The following NEU2 variants were observed in gnomAD, a reference collection of about 807,000 sequenced individuals.
NEU2 encodes neuraminidase 2, also known as sialidase-2.
In NEU2, 7 loss-of-function variants were observed where a neutral mutation model predicts 6.3. The observed-to-expected ratio is 1.12, with a 90% confidence interval of 0.63 to 2.10. The LOEUF is 2.10. Among genes scored for constraint, NEU2 ranks in the 30% most tolerant of loss-of-function variants. NEU2 has a pLI of 0.00. For synonymous variants in NEU2, 208 were observed against 223.3 expected, an observed-to-expected ratio of 0.93 and a Z score of 0.61; for missense variants, 509 against 504.0, an observed-to-expected ratio of 1.01 and a Z score of -0.09.
At chr2:233,033,765 G>A (rs1690545955) in intron 1 of NEU2, among the ~76,000 whole-genome samples, 1 of 152,202 alleles carries the variant, frequency 6.6e-6, no homozygotes, top group African/African-American at 2.4e-5. Flanking sequence ...CTGGACTGGG[G>A]TGGGAAGTGG....
Position 233,034,390 on chromosome 2 carries a change from T to TG in NEU2, c.479dup (p.His163AlafsTer39), listed in dbSNP as rs778797969. 2.4e-5 allele frequency: 38 copies of TG among 1,613,900 alleles called. No homozygotes were observed. In the South Asian group the frequency reaches 3.3e-4, roughly 14 times the overall value. ...TACCGGGAGTGGTCCACCTTTGCAG[T>TG]GGGCCCGGGGCATTGTTTGCAGCTT... On this transcript the variant is annotated frameshift_variant, in exon 2 of 2. Transcript: ENST00000233840. LOFTEE classifies it low-confidence loss of function (END_TRUNC). This position sits in a 1 kb window ranked among gnomAD's most constrained non-coding sequence, Gnocchi z 4.8.
chr2:233,032,935 CA>C (rs1690535434), intron 1 of NEU2, 63 bp downstream of exon 1: 1 of 1,495,316 alleles, frequency 6.7e-7, no homozygotes. Flanking sequence ...CTGCTGTGAT[CA>C]GGGGCCAGTC....
Position 233,034,941 on chromosome 2 carries a change from G to T in NEU2, c.1027G>T (p.Gly343Cys). ...AYSDLQSMGT[G>C]PDGSPLFGCL... ...CTCAGACCTCCAGAGCATGGGCACC[G>T]GCCCTGATGGGTCCCCCTTGTTTGG... The change falls in exon 2 of 2, where the codon GGC (glycine) becomes TGC (cysteine). Residue 343 changes from glycine (G) to cysteine (C), a missense_variant. By Grantham distance (159) the Gly-to-Cys change is radical. Coordinates refer to ENST00000233840, the MANE Select transcript of NEU2 (RefSeq NM_005383.2). This position sits in a 1 kb window ranked among gnomAD's most constrained non-coding sequence, Gnocchi z 4.8. The T allele has an allele frequency of 1.9e-6, 3 of 1,614,172 alleles. No homozygotes were observed. Among genetic ancestry groups the T allele is most frequent in the Non-Finnish European group, 2.5e-6 (3 of 1,180,014 alleles).
chr2:233,035,042 G>C lies in NEU2; in HGVS notation c.1128G>C (p.Glu376Asp). The stretch of plus-strand genomic sequence containing the variant: ...CCCTGAAGCAAGCCTTCCCAGCTGA[G>C]TACCTGCCTCAGTGAGCCTGTGGTG... ...MFTLKQAFPAEYLPQ is the reference protein window; with the variant it reads ...MFTLKQAFPADYLPQ The change falls in exon 2 of 2, where the codon GAG becomes GAC. Residue 376 changes from glutamate (E) to aspartate (D), a missense_variant. Transcript: ENST00000233840. 4.4e-6 allele frequency: 7 copies of C among 1,600,794 alleles called. No individual in the cohort carries two copies. Among genetic ancestry groups the C allele is most frequent in the Non-Finnish European group, 6.0e-6 (7 of 1,172,292 alleles).
In NEU2 at chr2:233,032,718, G is replaced by A; in HGVS notation, c.47G>A (p.Gly16Glu). Residue 16 changes from glycine (G) to glutamate (E), a missense_variant, in exon 1 of 2, where the codon GGA becomes GAA. Physicochemically the swap from Gly to Glu is moderately conservative, Grantham distance 98. Transcript: ENST00000233840. ...VLQKESVFQSGAHAYRIPALL... is the reference protein window; with the variant it reads ...VLQKESVFQSEAHAYRIPALL... ...CAGAAGGAGAGCGTGTTCCAGTCGG[G>A]AGCCCATGCCTACAGAATCCCTGCC... 1.2e-6 allele frequency: 2 copies of A among 1,614,206 alleles called. No homozygotes were observed. Among genetic ancestry groups the A allele is most frequent in the South Asian group, 1.1e-5 (1 of 91,090 alleles).
At chr2:233,033,525 T>C (rs992917678) in intron 1 of NEU2, among the ~76,000 whole-genome samples, 2 of 152,234 alleles carry the variant, frequency 1.3e-5, no homozygotes, top group South Asian at 2.1e-4. Flanking sequence ...GTTAGACTTT[T>C]GGTGCTGTGT....
At chr2:233,033,989 T>G in intron 1 of NEU2, 127 bp from the exon 2 acceptor site, 2 of 823,048 alleles carry the variant, frequency 2.4e-6, no homozygotes, top group East Asian at 2.5e-5. Flanking sequence ...GGGTGAAGAG[T>G]TCTTCTCGAT....
rs765031026 is a variant in NEU2, at chr2:233,034,525, G to T, written c.611G>T (p.Arg204Leu). The T allele has an allele frequency of 1.9e-6, 3 of 1,613,982 alleles. No homozygotes were observed. ...TGCTTCCTCAGCCATGACCATGGGC[G>T]CACGTGGGCGCGAGGGCACTTTGTG... ...AFCFLSHDHG[R>L]TWARGHFVAQ... Residue 204 changes from arginine to leucine, a missense_variant, in exon 2 of 2, where the codon CGC becomes CTC. Transcript: ENST00000233840. The surrounding 1 kb of genome is among the most constrained non-coding windows in gnomAD (Gnocchi z 4.8).
rs952565303 is a variant in NEU2, at chr2:233,034,093, C to T, written c.202-23C>T. 1.7e-5 allele frequency: 27 copies of T among 1,578,210 alleles called. No homozygotes were observed. The highest frequency in any genetic ancestry group is 1.8e-5 in the Non-Finnish European group (21 of 1,162,294). On this transcript the variant is annotated intron_variant, in intron 1 of 1. Transcript: ENST00000233840. This position sits in a 1 kb window ranked among gnomAD's most constrained non-coding sequence, Gnocchi z 4.8. ...TCCCCAGCTGTTTCAAGGCTGCCTT[C>T]TTCTTTCTCTCTCCCTACTCAGTGG... is the stretch of plus-strand genomic sequence containing the variant.
rs1690567447 is a variant in NEU2, at chr2:233,034,842, T to C, written c.928T>C (p.Tyr310His). The C allele has an allele frequency of 1.2e-6, 2 of 1,607,174 alleles. No individual in the cohort carries two copies. The highest frequency in any genetic ancestry group is 2.7e-5 in the African/African-American group (2 of 74,784). ...HSWQRADLGA[Y>H]LNPRPPAPEA... ...CTGGCAGAGGGCCGACCTGGGTGCC[T>C]ACCTCAACCCGCGACCTCCAGCCCC... Residue 310 changes from tyrosine to histidine, a missense_variant, in exon 2 of 2, where the codon TAC becomes CAC. Physicochemically the swap from Tyr to His is moderately conservative, Grantham distance 83. Transcript: ENST00000233840. This position sits in a 1 kb window ranked among gnomAD's most constrained non-coding sequence, Gnocchi z 4.8.
At position 233,034,280 on chromosome 2, in the gene NEU2, G is replaced by A. The variant is rs762359314; in HGVS notation, c.366G>A (p.Thr122=). 7.4e-6 allele frequency: 12 copies of A among 1,614,170 alleles called. No individual in the cohort carries two copies. The highest frequency in any genetic ancestry group is 5.0e-5 in the Admixed American group (3 of 60,024). ...QQQLQTRANV[T]RLCQVTSTDH... ...AGCTGCAGACCAGGGCCAATGTGAC[G>A]CGGCTGTGCCAAGTCACCAGCACTG... Residue 122 remains threonine (T), a synonymous_variant, in exon 2 of 2, where the codon ACG becomes ACA. Transcript: ENST00000233840. The surrounding 1 kb of genome is among the most constrained non-coding windows in gnomAD (Gnocchi z 4.8).
rs2233386 is a variant in NEU2, at chr2:233,032,815, C to G, written c.144C>G (p.His48Gln). 13 of 1,614,024 alleles carry G rather than the reference C, an allele frequency of 8.1e-6. No homozygotes were observed. Among genetic ancestry groups the G allele is most frequent in the South Asian group, 1.1e-5 (1 of 91,086 alleles). The change falls in exon 1 of 2, where the codon CAC becomes CAG. Residue 48 changes from histidine to glutamine, a missense_variant. By Grantham distance (24) the His-to-Gln change is conservative. Coordinates refer to ENST00000233840, the MANE Select transcript of NEU2 (RefSeq NM_005383.2). ...AEQRASKKDE[H>Q]AELIVLRRGD... ...AGCGGGCAAGCAAGAAGGATGAGCA[C>G]GCAGAGCTGATTGTCCTGCGCAGAG...
Position 233,034,594 on chromosome 2 carries a change from G to A in NEU2, c.680G>A (p.Gly227Glu), listed in dbSNP as rs1224585288. 6.2e-7 allele frequency: 1 copy of A among 1,613,868 alleles called. No individual in the cohort carries two copies. The highest frequency in any genetic ancestry group is 1.1e-5 in the South Asian group (1 of 91,032). Residue 227 changes from glycine (G) to glutamate (E), a missense_variant, in exon 2 of 2, where the codon GGG becomes GAG. Coordinates refer to ENST00000233840, the MANE Select transcript of NEU2 (RefSeq NM_005383.2). This position sits in a 1 kb window ranked among gnomAD's most constrained non-coding sequence, Gnocchi z 4.8. ...LECQVAEVET[G>E]EQRVVTLNAR... ...TGCCAGGTGGCCGAAGTCGAGACTG[G>A]GGAGCAGAGGGTGGTGACCCTCAAC... is the stretch of plus-strand genomic sequence containing the variant.
At position 233,034,648 on chromosome 2, in the gene NEU2, A is replaced by G. The variant is rs1276672810; in HGVS notation, c.734A>G (p.Gln245Arg). Residue 245 changes from glutamine (Q) to arginine (R), a missense_variant, in exon 2 of 2, where the codon CAG becomes CGG. Transcript: ENST00000233840. This position sits in a 1 kb window ranked among gnomAD's most constrained non-coding sequence, Gnocchi z 4.8. The stretch of plus-strand genomic sequence containing the variant: ...AGAAGCCACCTCCGAGCCAGGGTCC[A>G]GGCCCAGAGCACCAATGACGGGCTT... Reference protein sequence around the residue: ...NARSHLRARVQAQSTNDGLDF... With the variant: ...NARSHLRARVRAQSTNDGLDF... The G allele has an allele frequency of 6.3e-7, 1 of 1,594,936 alleles. No individual in the cohort carries two copies. Among genetic ancestry groups the G allele is most frequent in the Non-Finnish European group, 8.6e-7 (1 of 1,168,534 alleles).
intron 1 of NEU2, among the ~76,000 whole-genome samples, chr2:233,033,533 T>C (rs530746177): frequency 6.6e-5 from 10 of 152,326 alleles, no homozygotes; most frequent in African/African-American, 2.4e-4. Context: ...TTTGGTGCTG[T>C]GTCTGTGCTT....
rs557690761 is a variant in NEU2, at chr2:233,034,359, C to T, written c.445C>T (p.Pro149Ser). 5.6e-6 allele frequency: 9 copies of T among 1,614,038 alleles called. No individual in the cohort carries two copies. In the African/African-American group the frequency reaches 1.2e-4, roughly 22 times the overall value. Residue 149 changes from proline (P) to serine (S), a missense_variant, in exon 2 of 2, where the codon CCA becomes TCA. Coordinates refer to ENST00000233840, the MANE Select transcript of NEU2 (RefSeq NM_005383.2). The surrounding 1 kb of genome is among the most constrained non-coding windows in gnomAD (Gnocchi z 4.8). ...AGACCTCACTGATGCGGCCATCGGC[C>T]CAGCCTACCGGGAGTGGTCCACCTT... ...PRDLTDAAIG[P>S]AYREWSTFAV... is the part of the protein sequence containing the mutation.
chr2:233,032,857 C>T lies in NEU2; in HGVS notation c.186C>T (p.Pro62=), dbSNP rs761387849. The T allele has an allele frequency of 1.2e-4, 186 of 1,604,444 alleles. No homozygotes were observed. The highest frequency in any genetic ancestry group is 4.9e-4 in the Middle Eastern group (3 of 6,074). Residue 62 remains proline (P), a synonymous_variant, in exon 1 of 2, where the codon CCC becomes CCT. Transcript: ENST00000233840. ...TGCGCAGAGGAGACTACGACGCACCCACCCACCAGGTTCAGGTGAGGCAGG... is the reference window on the plus strand; with the variant it reads ...TGCGCAGAGGAGACTACGACGCACCTACCCACCAGGTTCAGGTGAGGCAGG... ...IVLRRGDYDA[P]THQVQWQAQE...
rs2233391 is a variant in NEU2 at position 233,034,416 on chromosome 2, C to A, written c.502C>A (p.His168Asn). 0.44 allele frequency: 705,239 copies of A among 1,613,722 alleles called. 164,651 individuals are homozygous for A. Among genetic ancestry groups the A allele is most frequent in the Non-Finnish European group, 0.49 (575,324 of 1,179,828 alleles). ...GGGCCCGGGGCATTGTTTGCAGCTTCACGACAGGGCCCGGAGCCTGGTGGT... is the reference window on the plus strand; with the variant it reads ...GGGCCCGGGGCATTGTTTGCAGCTTAACGACAGGGCCCGGAGCCTGGTGGT... ...AVGPGHCLQL[H>N]DRARSLVVPA... Residue 168 changes from histidine to asparagine, a missense_variant, in exon 2 of 2, where the codon CAC (histidine) becomes AAC (asparagine). Transcript: ENST00000233840. The surrounding 1 kb of genome is among the most constrained non-coding windows in gnomAD (Gnocchi z 4.8).
At position 233,032,854 on chromosome 2, in the gene NEU2, A is replaced by G. The variant is rs1282886641; in HGVS notation, c.183A>G (p.Ala61=). 9.3e-6 allele frequency: 15 copies of G among 1,605,788 alleles called. No individual in the cohort carries two copies. The highest frequency in any genetic ancestry group is 1.3e-5 in the Non-Finnish European group (15 of 1,176,316). ...TCCTGCGCAGAGGAGACTACGACGC[A>G]CCCACCCACCAGGTTCAGGTGAGGC... is the stretch of plus-strand genomic sequence containing the variant. The part of the protein sequence containing the change: ...LIVLRRGDYD[A]PTHQVQWQAQ... The change falls in exon 1 of 2, where the codon GCA becomes GCG. Residue 61 remains alanine (A), a synonymous_variant. Coordinates refer to ENST00000233840, the MANE Select transcript of NEU2 (RefSeq NM_005383.2).
Sources: gnomAD v4.1 joint callset for allele counts (sites outside exome capture counted in the v4.1 genomes callset) on GRCh38, gnomAD v4.1.1 for gene constraint, Gnocchi (gnomAD v3.1) non-coding constraint, MANE v1.5 for transcripts, NCBI Gene and HGNC (gene_info 2026-07-23, HGNC 2026-07-21) for gene names.